Variants in HOTAIR observed in about 807,000 individuals in gnomAD.
HOTAIR encodes the protein HOX transcript antisense RNA (non-protein coding).
chr12:53,962,720 C>T (rs1299307304), exon 7 of HOTAIR: 1 of 151,846 alleles, frequency 6.6e-6, no homozygotes, highest in African/African-American at 2.4e-5. Flanking sequence ...TTCTGTTCTT[C>T]TGTACTTCTA....
Position 53,973,006 on chromosome 12 carries a change from T to C in HOTAIR, n.59+1892A>G. 2.8e-6 allele frequency: 1 copy of C among 354,710 alleles called. No homozygotes were observed. Among genetic ancestry groups the C allele is most frequent in the South Asian group, 7.4e-5 (1 of 13,424 alleles). 22.0% of individuals were successfully genotyped at this position (354,710 alleles called of 1,614,324 possible). On this transcript the variant is annotated intron_variant and non_coding_transcript_variant, in intron 1 of 6. Transcript: ENST00000424518. This position sits in a 1 kb window ranked among gnomAD's most constrained non-coding sequence, Gnocchi z 4.3. ...ACAAATCTGCAATTGATTTTCATAA[T>C]GTTTCTGCGGTGTTTGCAAACCAAT...
Position 53,973,578 on chromosome 12 carries a change from A to G in HOTAIR, n.59+1320T>C. On this transcript the variant is annotated intron_variant and non_coding_transcript_variant, in intron 1 of 6. Transcript: ENST00000424518. The surrounding 1 kb of genome is among the most constrained non-coding windows in gnomAD (Gnocchi z 4.3). ...CCTGCCTCCTTCCACCGTCACCGAGATCCTCATGAAAAACGAAGGCTCCTA... is the reference window on the plus strand; with the variant it reads ...CCTGCCTCCTTCCACCGTCACCGAGGTCCTCATGAAAAACGAAGGCTCCTA... 6.2e-7 allele frequency: 1 copy of G among 1,612,932 alleles called. No individual in the cohort carries two copies. The highest frequency in any genetic ancestry group is 8.5e-7 in the Non-Finnish European group (1 of 1,179,896).
intron 6 of HOTAIR, chr12:53,964,165 G>A (rs1366742076): frequency 6.6e-6 from 1 of 151,966 alleles, no homozygotes; most frequent in Non-Finnish European, 1.5e-5. Context: ...GTTATCTCTT[G>A]CCAGAGTGAA....
At position 53,973,310 on chromosome 12, in the gene HOTAIR, C is replaced by A. The variant is rs1272910583; in HGVS notation, n.59+1588G>T. The A allele has an allele frequency of 6.2e-7, 1 of 1,614,014 alleles. No homozygotes were observed. Among genetic ancestry groups the A allele is most frequent in the Non-Finnish European group, 8.5e-7 (1 of 1,180,014 alleles). ...GCAAGGAGAGGGGCGCAGATTTCGG[C>A]GAGCGAGGGAGCTGCGCCTCCAACC... is the stretch of plus-strand genomic sequence containing the variant. On this transcript the variant is annotated intron_variant and non_coding_transcript_variant, in intron 1 of 6. Transcript: ENST00000424518. This position sits in a 1 kb window ranked among gnomAD's most constrained non-coding sequence, Gnocchi z 4.3.
Position 53,973,830 on chromosome 12 carries a change from G to A in HOTAIR, n.59+1068C>T, listed in dbSNP as rs575264457. 539 of 1,518,702 alleles carry A rather than the reference G, an allele frequency of 3.5e-4. 6 individuals carry two copies. In the South Asian group the frequency reaches 6.7e-3, roughly 19 times the overall value. 94.1% of individuals were successfully genotyped at this position (1,518,702 alleles called of 1,614,324 possible). On this transcript the variant is annotated intron_variant and non_coding_transcript_variant, in intron 1 of 6. Transcript: ENST00000424518. This position sits in a 1 kb window ranked among gnomAD's most constrained non-coding sequence, Gnocchi z 4.3. ...ACTGGCGTCCCGGGCTGAGGCGGGT[G>A]CCGAGGCGGAGGCTGAGGAGGAGAA... is the stretch of plus-strand genomic sequence containing the variant.
chr12:53,963,556 A>T (rs1425538782), exon 7 of HOTAIR: 1 of 152,274 alleles, frequency 6.6e-6, no homozygotes, highest in Non-Finnish European at 1.5e-5. Flanking sequence ...CATATTTTAC[A>T]GTCCAAAGGA....
At chr12:53,974,254 G>A (rs1939207359) in intron 1 of HOTAIR, among the ~76,000 whole-genome samples, 2 of 149,688 alleles carry the variant, frequency 1.3e-5, no homozygotes, top group East Asian at 2.1e-4. Context: ...AACTTTGATC[G>A]TGAACTTAGA....
chr12:53,974,176 AC>A (rs1298631997), intron 1 of HOTAIR, among the ~76,000 whole-genome samples: 1 of 151,036 alleles, frequency 6.6e-6, no homozygotes, highest in Non-Finnish European at 1.5e-5. Context: ...AGCCGGGTGA[AC>A]CCCCCTCCCC....
At chr12:53,968,188 G>C (rs1939088893) in intron 2 of HOTAIR, 1 of 152,234 alleles carries the variant, frequency 6.6e-6, no homozygotes, top group African/African-American at 2.4e-5. Context: ...CAGAGAAAAA[G>C]AGACTTCCCT....
chr12:53,964,753 C>A (rs1376259909), intron 5 of HOTAIR, among the ~76,000 whole-genome samples: 5 of 152,192 alleles, frequency 3.3e-5, no homozygotes, highest in African/African-American at 1.2e-4. Context: ...ACAGTAGGGT[C>A]TCCCAACATC....
exon 6 of HOTAIR, chr12:53,964,231 C>T (rs1939009212): frequency 6.8e-6 from 1 of 146,024 alleles, no homozygotes; most frequent in South Asian, 2.1e-4. Context: ...AACAACAAAC[C>T]TTGGGTGTAA....
exon 5 of HOTAIR, chr12:53,966,052 T>C (rs1190087427): frequency 6.6e-6 from 1 of 152,210 alleles, no homozygotes; most frequent in Non-Finnish European, 1.5e-5. Flanking sequence ...CATCAGACTC[T>C]TTGGGGCCTT....
At chr12:53,964,803 G>A (rs1939021400) in intron 5 of HOTAIR, among the ~76,000 whole-genome samples, 1 of 152,302 alleles carries the variant, frequency 6.6e-6, no homozygotes, top group African/African-American at 2.4e-5. Context: ...AAATCAAGGA[G>A]GCCCTAGGCA....
chr12:53,971,431 G>A (rs1031274527), intron 1 of HOTAIR, among the ~76,000 whole-genome samples: 1 of 152,218 alleles, frequency 6.6e-6, no homozygotes, highest in African/African-American at 2.4e-5. Context: ...GCATTGAGGA[G>A]GAATGGATTT....
In HOTAIR at chr12:53,973,834, A is replaced by G; in HGVS notation, n.59+1064T>C. The G allele has an allele frequency of 3.4e-6, 5 of 1,476,450 alleles. No homozygotes were observed. Among genetic ancestry groups the G allele is most frequent in the Non-Finnish European group, 2.7e-6 (3 of 1,115,334 alleles). The allele number at this position is 1,476,450 out of a possible 1,614,324, so 91.5% of individuals were successfully genotyped here. On this transcript the variant is annotated intron_variant and non_coding_transcript_variant, in intron 1 of 6. Coordinates refer to ENST00000424518, the Ensembl canonical transcript of HOTAIR. The surrounding 1 kb of genome is among the most constrained non-coding windows in gnomAD (Gnocchi z 4.3). ...GCGTCCCGGGCTGAGGCGGGTGCCG[A>G]GGCGGAGGCTGAGGAGGAGAACACA...
At chr12:53,974,022 G>A in intron 1 of HOTAIR, 1 of 1,024,620 alleles carries the variant, frequency 9.8e-7, no homozygotes. Flanking sequence ...GGACGGCCTC[G>A]TGTTTTGGGT....
At chr12:53,972,415 C>A (rs779461832) in intron 1 of HOTAIR, among the ~76,000 whole-genome samples, 1 of 152,224 alleles carries the variant, frequency 6.6e-6, no homozygotes, top group African/African-American at 2.4e-5. Flanking sequence ...CGCCAGGCAC[C>A]GGCTGGGCGG....
At position 53,973,983 on chromosome 12, in the gene HOTAIR, C is replaced by A; in HGVS notation, n.59+915G>T. 2.2e-6 allele frequency: 3 copies of A among 1,366,278 alleles called. No individual in the cohort carries two copies. Among genetic ancestry groups the A allele is most frequent in the South Asian group, 1.6e-5 (1 of 63,010 alleles). 84.6% of individuals were successfully genotyped at this position (1,366,278 alleles called of 1,614,324 possible). On this transcript the variant is annotated intron_variant and non_coding_transcript_variant, in intron 1 of 6. Transcript: ENST00000424518. The surrounding 1 kb of genome is among the most constrained non-coding windows in gnomAD (Gnocchi z 4.3). ...GAGGGAGGGAGCGAGAGAGGGAGGG[C>A]GAGAGAAGGGGGGAGGCAAGGGGAG...
In HOTAIR at chr12:53,973,183, T is replaced by C. The variant is rs563309038; in HGVS notation, n.59+1715A>G. The C allele has an allele frequency of 3.7e-5, 52 of 1,390,318 alleles. No individual in the cohort carries two copies. The highest frequency in any genetic ancestry group is 1.4e-4 in the East Asian group (6 of 43,380). 86.1% of individuals were successfully genotyped at this position (1,390,318 alleles called of 1,614,324 possible). ...CGCGTCATCTCGCCTTCCCAAATTT[T>C]CCCCCCTCGCTAGACCGGGTCCAAA... is the stretch of plus-strand genomic sequence containing the variant. On this transcript the variant is annotated intron_variant and non_coding_transcript_variant, in intron 1 of 6. Transcript: ENST00000424518. This position sits in a 1 kb window ranked among gnomAD's most constrained non-coding sequence, Gnocchi z 4.3.
Sources: allele counts gnomAD v4.1 joint callset (sites outside exome capture counted in the v4.1 genomes callset), GRCh38; gene constraint gnomAD v4.1.1; non-coding constraint Gnocchi (gnomAD v3.1); transcripts MANE v1.5; gene names NCBI Gene and HGNC (gene_info 2026-07-23, HGNC 2026-07-21).